Variants in CTNNA2 observed in about 807,000 individuals in gnomAD.
The protein encoded by CTNNA2 is catenin alpha-2.
Under a neutral mutation model 101.0 loss-of-function variants are expected in CTNNA2, and 42 were observed. That is an observed-to-expected ratio of 0.42 (90% CI 0.32 to 0.54). The LOEUF is 0.54. Among genes scored for constraint, CTNNA2 ranks in the 20% least tolerant of loss-of-function variants. The probability of loss-of-function intolerance (pLI) is 0.14; values close to 1 mark genes in which losing one functional copy is unlikely to be tolerated. For synonymous variants in CTNNA2, 450 were observed against 456.4 expected (o/e 0.99, Z 0.18); for missense variants, 871 against 1,223.1 (o/e 0.71, Z 4.29).
At chr2:79,302,099 C>CAAAT (rs202007518) in intron 2 of CTNNA2, among the ~76,000 whole-genome samples, 1,724 of 151,576 alleles carry the variant, frequency 0.011, 15 homozygotes, top group Middle Eastern at 0.024. Flanking sequence ...TCTCAATAAA[C>CAAAT]AAATAAATAA....
chr2:79,791,383 G>T (rs1303134920), intron 3 of CTNNA2, among the ~76,000 whole-genome samples: 3 of 151,974 alleles, frequency 2.0e-5, no homozygotes, highest in Non-Finnish European at 4.4e-5. Flanking sequence ...ATCCTTCCAA[G>T]CCCCAAATAT....
intron 7 of CTNNA2, among the ~76,000 whole-genome samples, chr2:80,121,046 G>A (rs1006069619): frequency 2.0e-4 from 31 of 152,096 alleles, no homozygotes; most frequent in Admixed American, 6.5e-4. Flanking sequence ...ATGGCTTTGC[G>A]TTTACAAAAA....
intron 7 of CTNNA2, among the ~76,000 whole-genome samples, chr2:79,934,198 G>A (rs1238431416): frequency 6.6e-6 from 1 of 152,102 alleles, no homozygotes; most frequent in African/African-American, 2.4e-5. Flanking sequence ...ATTTTAAAAA[G>A]AAATTCTATT....
At chr2:79,399,747 G>T (rs1185741750) in intron 4 of CTNNA2, among the ~76,000 whole-genome samples, 1 of 151,776 alleles carries the variant, frequency 6.6e-6, no homozygotes, top group African/African-American at 2.4e-5. Context: ...TATGAGAAAA[G>T]TCAATAGAAA....
intron 3 of CTNNA2, among the ~76,000 whole-genome samples, chr2:79,797,747 A>G (rs7557595): frequency 0.12 from 18,872 of 151,730 alleles, 1,766 homozygotes; most frequent in East Asian, 0.37. Context: ...TTATGGAAAT[A>G]ATTCATGATG....
intron 9 of CTNNA2, among the ~76,000 whole-genome samples, chr2:80,530,088 C>G (rs1311020155): frequency 6.6e-6 from 1 of 152,106 alleles, no homozygotes; most frequent in Non-Finnish European, 1.5e-5. Flanking sequence ...CTGACCATGG[C>G]TCTGGACTGT....
chr2:80,586,130 G>A (rs1695950984), intron 14 of CTNNA2: 1 of 152,140 alleles, frequency 6.6e-6, no homozygotes, highest in Non-Finnish European at 1.5e-5. Flanking sequence ...TGTTTATTAA[G>A]CTTCTACTCT....
intron 1 of CTNNA2, among the ~76,000 whole-genome samples, chr2:79,612,101 C>T (rs1335820494): frequency 6.6e-6 from 1 of 152,136 alleles, no homozygotes; most frequent in African/African-American, 2.4e-5. Context: ...ATGTTGTGAG[C>T]TTAGCAACTG....
Position 80,574,077 on chromosome 2 carries a change from G to A in CTNNA2, c.1742-86G>A, listed in dbSNP as rs1360966050. The stretch of plus-strand genomic sequence containing the variant: ...GCTCCACTTAACTTTTAGAATGCCC[G>A]AGGACCTGCCACTTCGCCCAAGAGC... On this transcript the variant is annotated intron_variant, in intron 12 of 18. Transcript: ENST00000402739. 10 of 1,429,562 alleles carry A rather than the reference G, an allele frequency of 7.0e-6. No homozygotes were observed. The Admixed American group carries it at 7.2e-5, about 10-fold the overall frequency. The allele number at this position is 1,429,562 out of a possible 1,614,324, so 88.6% of individuals were successfully genotyped here.
At chr2:80,526,282 C>T (rs913110798) in intron 9 of CTNNA2, among the ~76,000 whole-genome samples, 2 of 152,152 alleles carry the variant, frequency 1.3e-5, no homozygotes, top group African/African-American at 2.4e-5. Context: ...TCACTGAAAC[C>T]TCCGCCTCCC....
intron 4 of CTNNA2, among the ~76,000 whole-genome samples, chr2:79,487,246 T>C (rs1444772783): frequency 1.4e-4 from 2 of 14,062 alleles, no homozygotes; most frequent in African/African-American, 6.8e-4. Flanking sequence ...GTAAATATTC[T>C]ATACGTTGCA....
chr2:80,090,105 A>AC (rs1699691494), intron 7 of CTNNA2, among the ~76,000 whole-genome samples: 1 of 151,492 alleles, frequency 6.6e-6, no homozygotes, highest in African/African-American at 2.4e-5. Flanking sequence ...GATGGTGGTG[A>AC]CCATAGTAGA....
chr2:80,374,713 G>GTGTGTC (rs1273461928), intron 7 of CTNNA2, among the ~76,000 whole-genome samples: 1 of 150,378 alleles, frequency 6.6e-6, no homozygotes, highest in African/African-American at 2.4e-5. Flanking sequence ...GTGTGTGTGT[G>GTGTGTC]TGTCCTAATC....
chr2:80,406,319 A>T (rs551356833), intron 8 of CTNNA2, among the ~76,000 whole-genome samples: 1 of 148,134 alleles, frequency 6.8e-6, no homozygotes, highest in African/African-American at 2.5e-5. Context: ...GGGCGACAAG[A>T]GCAAAACTCC....
intron 13 of CTNNA2, among the ~76,000 whole-genome samples, chr2:80,580,751 A>C (rs1423062580): frequency 6.6e-6 from 1 of 152,324 alleles, no homozygotes; most frequent in South Asian, 2.1e-4. Context: ...ACAGTGACTC[A>C]TGCTTGTAAT....
intron 7 of CTNNA2, among the ~76,000 whole-genome samples, chr2:80,083,871 G>T (rs1249671588): frequency 1.3e-5 from 2 of 152,070 alleles, no homozygotes; most frequent in African/African-American, 2.4e-5. Context: ...ACTTTGTGAG[G>T]TATGTAGGGA....
intron 1 of CTNNA2, among the ~76,000 whole-genome samples, chr2:79,611,580 C>CT (rs1441664280): frequency 6.6e-6 from 1 of 152,080 alleles, no homozygotes; most frequent in Non-Finnish European, 1.5e-5. Flanking sequence ...GCTTTTAAGT[C>CT]TGAGGATCAG....
At chr2:79,512,718 C>A (rs1671585348), upstream of CTNNA2, among the ~76,000 whole-genome samples, 1 of 151,938 alleles carries the variant, frequency 6.6e-6, no homozygotes, top group South Asian at 2.1e-4. Context: ...TCGCCGCCGT[C>A]CCCTCCCCCC....
intron 3 of CTNNA2, among the ~76,000 whole-genome samples, chr2:79,330,097 C>T (rs886608272): frequency 2.0e-5 from 3 of 152,140 alleles, no homozygotes; most frequent in African/African-American, 4.8e-5. Flanking sequence ...TTCACTGCCT[C>T]GTGAATTTTC....
Sources: gnomAD v4.1 joint callset for allele counts (sites outside exome capture counted in the v4.1 genomes callset) on GRCh38, gnomAD v4.1.1 for gene constraint, MANE v1.5 for transcripts, NCBI Gene and HGNC (gene_info 2026-07-23, HGNC 2026-07-21) for gene names.